The following NEK1 variants were observed in gnomAD, a reference collection of about 807,000 sequenced individuals.
NEK1 encodes NIMA related kinase 1, also known as serine/threonine-protein kinase Nek1.
A neutral mutation model predicts 182.1 loss-of-function variants in NEK1; 137 were observed. The ratio of observed to expected loss-of-function variants is 0.75; its 90% confidence interval spans 0.65 to 0.87. NEK1 has a LOEUF of 0.87. Ranked by LOEUF, NEK1 falls within the 40% of genes least tolerant of loss-of-function variation. The probability of loss-of-function intolerance (pLI) is 0.00; values close to 1 mark genes in which losing one functional copy is unlikely to be tolerated. For missense variants in NEK1, 1,391 were observed against 1,494.4 expected (o/e 0.93, Z 1.14); for synonymous variants, 513 against 492.2 (o/e 1.04, Z -0.56).
chr4:169,458,356 GA>G (rs1743304102), intron 27 of NEK1, among the ~76,000 whole-genome samples: 1 of 151,930 alleles, frequency 6.6e-6, no homozygotes, highest in East Asian at 1.9e-4. Context: ...ATCTACTTAC[GA>G]AAAAAATGTA....
intron 19 of NEK1, among the ~76,000 whole-genome samples, chr4:169,532,808 C>A (rs112704865): frequency 1.3e-5 from 2 of 150,642 alleles, no homozygotes; most frequent in African/African-American, 4.9e-5. Flanking sequence ...AAAAATTAGC[C>A]GGGCATGATG....
Position 169,406,709 on chromosome 4 carries a change from C to T in NEK1, c.3261G>A (p.Leu1087=), listed in dbSNP as rs369245437. 1.9e-6 allele frequency: 3 copies of T among 1,608,124 alleles called. No homozygotes were observed. Among genetic ancestry groups the T allele is most frequent in the East Asian group, 2.2e-5 (1 of 44,624 alleles). The change falls in exon 32 of 36, where the codon CTG becomes CTA. Residue 1087 remains leucine, a synonymous_variant. Coordinates refer to ENST00000507142, the MANE Select transcript of NEK1 (RefSeq NM_001199397.3). ...TGGGAACATCCATAAGGGTTCTGAA[C>T]AGCTTTGAGAGATCTGGAAGTGAAC... is the stretch of plus-strand genomic sequence containing the variant. The part of the protein sequence containing the change: ...RTCSLPDLSK[L]FRTLMDVPTV...
chr4:169,530,891 C>T (rs988538970), intron 19 of NEK1, among the ~76,000 whole-genome samples: 4 of 148,336 alleles, frequency 2.7e-5, no homozygotes, highest in African/African-American at 5.0e-5. Context: ...AAATGAGGTG[C>T]CAGTGCACCA....
intron 27 of NEK1, among the ~76,000 whole-genome samples, chr4:169,440,431 T>G (rs1235665873): frequency 6.6e-6 from 1 of 152,098 alleles, no homozygotes; most frequent in East Asian, 1.9e-4. Flanking sequence ...AAAAGAGAAA[T>G]TATACTATTA....
chr4:169,482,478 TTTC>T (rs1222974393), intron 23 of NEK1, among the ~76,000 whole-genome samples: 96 of 151,458 alleles, frequency 6.3e-4, no homozygotes, highest in African/African-American at 2.2e-3. Context: ...TCTTTCTTTC[TTTC>T]TTTTTTTTTT....
chr4:169,579,551 G>C (rs1442103304), intron 11 of NEK1, among the ~76,000 whole-genome samples: 1 of 152,120 alleles, frequency 6.6e-6, no homozygotes, highest in African/African-American at 2.4e-5. Flanking sequence ...AGCACTTTCG[G>C]AGGCCAAGGC....
chr4:169,457,806 T>C (rs976036504), intron 27 of NEK1, among the ~76,000 whole-genome samples: 2 of 147,628 alleles, frequency 1.4e-5, no homozygotes, highest in African/African-American at 5.0e-5. Flanking sequence ...GTCCTAAAAT[T>C]GAGAGGATAA....
chr4:169,587,391 A>C (rs1767708740), intron 9 of NEK1, among the ~76,000 whole-genome samples, 168 bp downstream of exon 9: 1 of 151,960 alleles, frequency 6.6e-6, no homozygotes, highest in African/African-American at 2.4e-5. Flanking sequence ...ATATATACAA[A>C]GGGAAATCGA....
intron 19 of NEK1, among the ~76,000 whole-genome samples, chr4:169,511,455 T>A (rs1754166450): frequency 6.6e-6 from 1 of 152,120 alleles, no homozygotes; most frequent in Non-Finnish European, 1.5e-5. Flanking sequence ...TTTCATGATA[T>A]TTGAGAAATG....
At chr4:169,562,327 T>C (rs1208555674) in intron 12 of NEK1, 131 bp from the exon 13 acceptor site, 5 of 552,066 alleles carry the variant, frequency 9.1e-6, no homozygotes, top group Middle Eastern at 9.0e-4. Context: ...CAAATTACAT[T>C]ATCTTAAAAA....
intron 12 of NEK1, among the ~76,000 whole-genome samples, chr4:169,574,145 AAG>A (rs1765308457): frequency 6.6e-6 from 1 of 152,194 alleles, no homozygotes; most frequent in African/African-American, 2.4e-5. Flanking sequence ...GCAACAGAGC[AAG>A]ACTCTTTCTC....
In NEK1 at chr4:169,603,902, C is replaced by T. The variant is rs571187747; in HGVS notation, c.-48-1224G>A. On this transcript the variant is annotated intron_variant, in intron 2 of 35. Coordinates refer to ENST00000507142, the MANE Select transcript of NEK1 (RefSeq NM_001199397.3). ...TGTATTTTTAGTAGAGACGGGGTTTCGCCATGTTGGCTGGTCTTGAACTCC... is the reference window on the plus strand; with the variant it reads ...TGTATTTTTAGTAGAGACGGGGTTTTGCCATGTTGGCTGGTCTTGAACTCC... 3.9e-5 allele frequency among the ~76,000 whole-genome samples: 6 copies of T among 152,124 alleles called. No individual in the cohort carries two copies. In the South Asian group the frequency reaches 6.2e-4, roughly 16 times the overall value.
intron 9 of NEK1, among the ~76,000 whole-genome samples, chr4:169,587,117 A>G (rs984578402): frequency 2.0e-5 from 3 of 151,974 alleles, no homozygotes; most frequent in African/African-American, 7.2e-5. Flanking sequence ...AAAATTTTAA[A>G]TACTCTGAAT....
At chr4:169,592,735 A>G (rs1000129974) in intron 5 of NEK1, among the ~76,000 whole-genome samples, 1 of 151,558 alleles carries the variant, frequency 6.6e-6, no homozygotes, top group African/African-American at 2.4e-5. Flanking sequence ...TTCTATAGAT[A>G]TTTATTTAAT....
intron 10 of NEK1, among the ~76,000 whole-genome samples, chr4:169,583,209 G>A (rs1766959501): frequency 6.6e-6 from 1 of 151,246 alleles, no homozygotes; most frequent in Admixed American, 6.6e-5. Flanking sequence ...GGAGGTTGCA[G>A]TGAGCTGAGA....
chr4:169,490,404 GCAAGGACA>G (rs1332644698), intron 23 of NEK1, among the ~76,000 whole-genome samples: 2 of 152,114 alleles, frequency 1.3e-5, no homozygotes, highest in Admixed American at 6.6e-5. Flanking sequence ...AGTTATCAAT[GCAAGGACA>G]CAAGAAACAT....
chr4:169,452,213 A>G (rs1209537950), intron 27 of NEK1, among the ~76,000 whole-genome samples: 1 of 152,208 alleles, frequency 6.6e-6, no homozygotes, highest in Non-Finnish European at 1.5e-5. Context: ...GACCAGATGG[A>G]TTCACAGCTG....
In NEK1 at chr4:169,481,115, G is replaced by A. The variant is rs190505307; in HGVS notation, c.2008-1581C>T. Reference sequence around the variant, plus strand: ...AAGAAGCAATTCCTCATCCATTCAAGTTTATCATGAGATTGTAGCAATTCA... The same window carrying A: ...AAGAAGCAATTCCTCATCCATTCAAATTTATCATGAGATTGTAGCAATTCA... On this transcript the variant is annotated intron_variant, in intron 23 of 35. Transcript: ENST00000507142. Among the ~76,000 whole-genome samples, 28 of 152,282 alleles carry A rather than the reference G, an allele frequency of 1.8e-4. No individual in the cohort carries two copies. In the East Asian group the frequency reaches 5.4e-3, roughly 29 times the overall value.
chr4:169,561,819 A>G lies in NEK1; in HGVS notation c.1140+13T>C. ...AACTTGCCAAAGGTAGAAAAACAAGAGCAAAAAACTACCTGATCCTTTTGT... is the reference window on the plus strand; with the variant it reads ...AACTTGCCAAAGGTAGAAAAACAAGGGCAAAAAACTACCTGATCCTTTTGT... On this transcript the variant is annotated intron_variant, in intron 14 of 35. Transcript: ENST00000507142. 1 of 1,609,304 alleles carries G rather than the reference A, an allele frequency of 6.2e-7. No homozygotes were observed. Among genetic ancestry groups the G allele is most frequent in the East Asian group, 2.2e-5 (1 of 44,726 alleles).
Sources: gnomAD v4.1 joint callset for allele counts (sites outside exome capture counted in the v4.1 genomes callset) on GRCh38, gnomAD v4.1.1 for gene constraint, MANE v1.5 for transcripts, NCBI Gene and HGNC (gene_info 2026-07-23, HGNC 2026-07-21) for gene names.